The following PLPPR1 variants were observed in gnomAD, a reference collection of about 807,000 sequenced individuals.
PLPPR1 encodes the protein phospholipid phosphatase related 1.
A neutral mutation model predicts 33.1 loss-of-function variants in PLPPR1; 10 were observed. The ratio of observed to expected loss-of-function variants is 0.30; its 90% CI spans 0.19 to 0.51. PLPPR1 has a LOEUF of 0.51. Ranked by LOEUF, PLPPR1 falls within the 20% of genes least tolerant of loss-of-function variation. The probability of loss-of-function intolerance (pLI) is 0.97; values close to 1 mark genes in which losing one functional copy is unlikely to be tolerated. For missense variants in PLPPR1, 304 were observed against 408.1 expected (o/e 0.74, Z 2.20); for synonymous variants, 151 against 151.0 (o/e 1.00, Z 0.00).
chr9:101,240,338 C>T (rs1214331602), intron 2 of PLPPR1, among the ~76,000 whole-genome samples: 1 of 151,942 alleles, frequency 6.6e-6, no homozygotes, highest in Non-Finnish European at 1.5e-5. Context: ...GTGATGTCTC[C>T]AGCTTTGTTA....
At chr9:101,050,148 A>G (rs145123796) in intron 1 of PLPPR1, among the ~76,000 whole-genome samples, 4 of 150,914 alleles carry the variant, frequency 2.7e-5, no homozygotes, top group South Asian at 2.1e-4. Flanking sequence ...AAAAAAAAAA[A>G]GAGTATAAGC....
chr9:101,196,920 A>T (rs1826407364), intron 2 of PLPPR1, among the ~76,000 whole-genome samples: 2 of 152,136 alleles, frequency 1.3e-5, no homozygotes, highest in Non-Finnish European at 2.9e-5. Flanking sequence ...TTCAAATTAG[A>T]TAGTTATGTG....
chr9:101,270,131 T>TTTTC, intron 3 of PLPPR1, 63 bp downstream of exon 3: 1 of 1,534,802 alleles, frequency 6.5e-7, no homozygotes, highest in African/African-American at 1.4e-5. Context: ...TCTGTCTGCT[T>TTTTC]TTTCTCCTCT....
chr9:101,324,135 C>A lies in PLPPR1; in HGVS notation c.*78C>A. 1 of 1,195,896 alleles carries A rather than the reference C, an allele frequency of 8.4e-7. No homozygotes were observed. The allele number at this position is 1,195,896 out of a possible 1,614,324, so 74.1% of individuals were successfully genotyped here. On this transcript the variant is annotated 3_prime_UTR_variant, in exon 8 of 8. Transcript: ENST00000374874. Reference sequence around the variant, plus strand: ...TTCAAAACACACAGTTGCTCAATGTCAAACTGTGATGACAAATATTACGTT... The same window carrying A: ...TTCAAAACACACAGTTGCTCAATGTAAAACTGTGATGACAAATATTACGTT...
At chr9:101,215,487 G>T (rs748451620) in intron 2 of PLPPR1, among the ~76,000 whole-genome samples, 2 of 152,104 alleles carry the variant, frequency 1.3e-5, no homozygotes, top group African/African-American at 2.4e-5. Flanking sequence ...CACCATGTTG[G>T]TCAGGCTGGT....
intron 1 of PLPPR1, among the ~76,000 whole-genome samples, chr9:101,080,724 A>G (rs914184830): frequency 2.6e-5 from 4 of 152,096 alleles, no homozygotes; most frequent in African/African-American, 9.7e-5. Context: ...CTGAGGTCTG[A>G]GCATTCAGTT....
At chr9:101,213,405 C>T (rs1826723257) in intron 2 of PLPPR1, among the ~76,000 whole-genome samples, 1 of 152,084 alleles carries the variant, frequency 6.6e-6, no homozygotes. Flanking sequence ...AATAAGGAAT[C>T]TGTTTAAATT....
At chr9:101,282,860 A>G (rs1445320815) in intron 3 of PLPPR1, among the ~76,000 whole-genome samples, 1 of 152,272 alleles carries the variant, frequency 6.6e-6, no homozygotes, top group Non-Finnish European at 1.5e-5. Context: ...AATGAAAAGT[A>G]TAAAATATTG....
chr9:101,087,724 T>C (rs1159433523), intron 1 of PLPPR1, among the ~76,000 whole-genome samples: 1 of 152,246 alleles, frequency 6.6e-6, no homozygotes, highest in African/African-American at 2.4e-5. Context: ...GGGTCTTACA[T>C]AGATTATCTG....
chr9:101,285,259 G>A (rs1828372716), intron 3 of PLPPR1, among the ~76,000 whole-genome samples: 1 of 151,760 alleles, frequency 6.6e-6, no homozygotes. Flanking sequence ...ACACTGTGCT[G>A]GGTGCCATAA....
intron 1 of PLPPR1, among the ~76,000 whole-genome samples, chr9:101,109,830 A>T (rs893994742): frequency 6.6e-6 from 1 of 152,186 alleles, no homozygotes; most frequent in African/African-American, 2.4e-5. Context: ...CTCATAATCA[A>T]CTAGCCATAT....
chr9:101,235,278 C>A (rs1034526967), intron 2 of PLPPR1, among the ~76,000 whole-genome samples: 1 of 151,766 alleles, frequency 6.6e-6, no homozygotes, highest in Admixed American at 6.6e-5. Context: ...GAAGAACAGA[C>A]CAGTATTTGT....
intron 1 of PLPPR1, among the ~76,000 whole-genome samples, chr9:101,160,327 C>A (rs1274026987): frequency 6.6e-6 from 1 of 152,116 alleles, no homozygotes; most frequent in Non-Finnish European, 1.5e-5. Flanking sequence ...ATGGTAATCT[C>A]CACTTCTAAG....
chr9:101,043,002 C>G (rs564723216), intron 1 of PLPPR1, among the ~76,000 whole-genome samples: 3 of 151,952 alleles, frequency 2.0e-5, no homozygotes, highest in Non-Finnish European at 4.4e-5. Context: ...TTTGGTTTGC[C>G]CATCACCGGA....
At chr9:101,236,191 C>G (rs957548556) in intron 2 of PLPPR1, among the ~76,000 whole-genome samples, 1 of 151,702 alleles carries the variant, frequency 6.6e-6, no homozygotes, top group African/African-American at 2.4e-5. Flanking sequence ...ATAGAAAACA[C>G]ACTACCTATC....
intron 2 of PLPPR1, among the ~76,000 whole-genome samples, chr9:101,231,859 A>T (rs140930233): frequency 6.6e-6 from 1 of 152,212 alleles, no homozygotes; most frequent in African/African-American, 2.4e-5. Context: ...ATGCTAATCC[A>T]TATTGACACA....
intron 2 of PLPPR1, among the ~76,000 whole-genome samples, chr9:101,220,444 CA>C (rs1178359267): frequency 6.6e-6 from 1 of 152,202 alleles, no homozygotes; most frequent in Non-Finnish European, 1.5e-5. Flanking sequence ...AAACTGTTTT[CA>C]AACTGACTGC....
At position 101,046,694 on chromosome 9, in the gene PLPPR1, C is replaced by T. The variant is rs527436854; in HGVS notation, c.-46+17592C>T. The stretch of plus-strand genomic sequence containing the variant: ...TCCTGACCTCGTGATCCACCTGCCT[C>T]GGCCTCCCAAAGTGCTGGGATTACA... On this transcript the variant is annotated intron_variant, in intron 1 of 7. Transcript: ENST00000374874. Among the ~76,000 whole-genome samples the T allele has an allele frequency of 1.4e-3, 206 of 152,084 alleles. 1 individual carries two copies. The highest frequency in any genetic ancestry group is 0.01 in the Middle Eastern group (3 of 294).
At chr9:101,149,423 C>A (rs1831556867) in intron 1 of PLPPR1, among the ~76,000 whole-genome samples, 2 of 152,160 alleles carry the variant, frequency 1.3e-5, no homozygotes, top group Non-Finnish European at 2.9e-5. Flanking sequence ...TAAGACCCCA[C>A]AGTCTTATGG....
Sources: gnomAD v4.1 joint callset for allele counts (sites outside exome capture counted in the v4.1 genomes callset) on GRCh38, gnomAD v4.1.1 for gene constraint, MANE v1.5 for transcripts, NCBI Gene and HGNC (gene_info 2026-07-23, HGNC 2026-07-21) for gene names.